The following RBFOX3 variants were observed in gnomAD, a reference collection of about 807,000 sequenced individuals.
RBFOX3 encodes RNA binding protein fox-1 homolog 3.
RBFOX3 carries 17 observed loss-of-function variants against 48.7 expected under a neutral mutation model. The observed-to-expected ratio is 0.35, with a 90% CI of 0.24 to 0.52. RBFOX3 has a LOEUF of 0.52. Among genes scored for constraint, RBFOX3 ranks in the 20% least tolerant of loss-of-function variants. The pLI is 0.94. For missense variants in RBFOX3, 382 were observed against 497.5 expected, an observed-to-expected ratio of 0.77 and a Z score of 2.21; for synonymous variants, 212 against 209.5, an observed-to-expected ratio of 1.01 and a Z score of -0.10.
the RBFOX3 span, among the ~76,000 whole-genome samples, chr17:79,661,459 T>A: frequency 8.4e-4 from 128 of 152,354 alleles, no homozygotes; most frequent in African/African-American, 3.0e-3. Context: ...CTGTTTAGAA[T>A]CATAATTGTG....
chr17:79,484,130 TCCC>T (rs1360925115), intron 1 of RBFOX3, among the ~76,000 whole-genome samples: 1 of 151,622 alleles, frequency 6.6e-6, no homozygotes, highest in African/African-American at 2.4e-5. Flanking sequence ...TCTCCCTGAA[TCCC>T]CCCCACCACT....
At chr17:79,623,094 C>T in the RBFOX3 span, among the ~76,000 whole-genome samples, 4 of 152,210 alleles carry the variant, frequency 2.6e-5, no homozygotes, top group African/African-American at 9.7e-5. Flanking sequence ...ACTGCCCCAG[C>T]AGAATCCTTC....
At chr17:79,536,512 C>T (rs2088780477) in intron 1 of RBFOX3, among the ~76,000 whole-genome samples, 1 of 152,256 alleles carries the variant, frequency 6.6e-6, no homozygotes. Flanking sequence ...TGCTTAATTA[C>T]AGCTCCCAAA....
chr17:79,649,728 CTG>C, the RBFOX3 span, among the ~76,000 whole-genome samples: 7 of 152,102 alleles, frequency 4.6e-5, no homozygotes, highest in Non-Finnish European at 1.0e-4. Context: ...ATACTTGAAA[CTG>C]GGTAATTTTT....
In RBFOX3 at chr17:79,199,972, C is replaced by T. The variant is rs1031043439; in HGVS notation, c.-34+35794G>A. ...AGTCAGGAGTTCAAGACCAGCCTGG[C>T]CAACATGGTGAAACTCCGTCTCTAC... On this transcript the variant is annotated intron_variant, in intron 4 of 14. Transcript: ENST00000693108. This position sits in a 1 kb window ranked among gnomAD's most constrained non-coding sequence, Gnocchi z 5.1. Among the ~76,000 whole-genome samples the T allele has an allele frequency of 6.6e-6, 1 of 152,044 alleles. No homozygotes were observed. Among genetic ancestry groups the T allele is most frequent in the African/African-American group, 2.4e-5 (1 of 41,388 alleles).
the RBFOX3 span, among the ~76,000 whole-genome samples, chr17:79,618,279 G>A: frequency 5.9e-5 from 9 of 152,186 alleles, no homozygotes; most frequent in South Asian, 1.9e-3. Context: ...GTGTCTCCGG[G>A]AACAGGCGCC....
At chr17:79,660,322 C>T in the RBFOX3 span, among the ~76,000 whole-genome samples, 1 of 152,084 alleles carries the variant, frequency 6.6e-6, no homozygotes, top group African/African-American at 2.4e-5. Context: ...AATTAAAGAG[C>T]TCTGCACAGC....
chr17:79,553,820 C>T (rs1372879766), intron 1 of RBFOX3, among the ~76,000 whole-genome samples: 1 of 152,130 alleles, frequency 6.6e-6, no homozygotes, highest in African/African-American at 2.4e-5. Context: ...ACAACCTCTG[C>T]CTCCTGGGTG....
Position 79,212,246 on chromosome 17 carries a change from G to A in RBFOX3, c.-34+23520C>T, listed in dbSNP as rs1310147267. On this transcript the variant is annotated intron_variant, in intron 4 of 14. Coordinates refer to ENST00000693108, the MANE Select transcript of RBFOX3 (RefSeq NM_001350451.2). The surrounding 1 kb of genome is among the most constrained non-coding windows in gnomAD (Gnocchi z 4.7). ...GACACCCTTGGCCACCCGCTGCCCTGGGTTCTTCCAGGCTGGGGCTGGGGC... is the reference window on the plus strand; with the variant it reads ...GACACCCTTGGCCACCCGCTGCCCTAGGTTCTTCCAGGCTGGGGCTGGGGC... 1.3e-5 allele frequency among the ~76,000 whole-genome samples: 2 copies of A among 152,188 alleles called. No individual in the cohort carries two copies. The highest frequency in any genetic ancestry group is 6.5e-5 in the Admixed American group (1 of 15,288).
intron 3 of RBFOX3, among the ~76,000 whole-genome samples, chr17:79,239,927 T>C (rs896820535): frequency 6.6e-6 from 1 of 152,246 alleles, no homozygotes; most frequent in African/African-American, 2.4e-5. Context: ...TGTGCATTTA[T>C]CCACCTGGAG....
intron 2 of RBFOX3, among the ~76,000 whole-genome samples, chr17:79,316,084 A>C (rs967033528): frequency 1.3e-5 from 2 of 152,030 alleles, no homozygotes; most frequent in Non-Finnish European, 1.5e-5. Flanking sequence ...GCACCCACTG[A>C]GCAGGCTGGG....
intron 4 of RBFOX3, among the ~76,000 whole-genome samples, chr17:79,137,311 A>C (rs2040448232): frequency 6.6e-6 from 1 of 152,114 alleles, no homozygotes; most frequent in South Asian, 2.1e-4. Context: ...GTGTACACAC[A>C]CACACATTCC....
intron 2 of RBFOX3, among the ~76,000 whole-genome samples, chr17:79,478,654 G>A (rs985986354): frequency 3.3e-5 from 5 of 152,332 alleles, no homozygotes; most frequent in African/African-American, 9.6e-5. Context: ...AGTGGTGAAG[G>A]GGAGGGGAAA....
chr17:79,611,169 T>TCTCTCTCGCTCTCG, upstream of RBFOX3, among the ~76,000 whole-genome samples: 23 of 25,922 alleles, frequency 8.9e-4, 4 homozygotes, highest in Admixed American at 1.8e-3. Context: ...TCTCTCTCTC[T>TCTCTCTCGCTCTCG]CTCTCCGCCC....
At chr17:79,602,418 T>C (rs2093725324) in intron 1 of RBFOX3, among the ~76,000 whole-genome samples, 2 of 152,244 alleles carry the variant, frequency 1.3e-5, no homozygotes, top group Non-Finnish European at 2.9e-5. Flanking sequence ...TAATGTACCC[T>C]TGGATAGCAC....
At chr17:79,194,753 G>GTGTGTGTGT (rs1555599582) in intron 4 of RBFOX3, among the ~76,000 whole-genome samples, 5,081 of 149,068 alleles carry the variant, frequency 0.034, 128 homozygotes, top group Admixed American at 0.066. Context: ...TGTGTGTGTG[G>GTGTGTGTGT]GTGTGTGTGT....
At chr17:79,534,377 C>T (rs1037368683) in intron 1 of RBFOX3, among the ~76,000 whole-genome samples, 4 of 152,232 alleles carry the variant, frequency 2.6e-5, no homozygotes, top group East Asian at 1.9e-4. Flanking sequence ...AGCCATTCCC[C>T]GGCGAGATGC....
intron 4 of RBFOX3, among the ~76,000 whole-genome samples, chr17:79,139,233 AGGGCCCCCCC>A (rs2041384891): frequency 6.7e-6 from 1 of 149,742 alleles, no homozygotes; most frequent in African/African-American, 2.5e-5. Context: ...CCACAAACAC[AGGGCCCCCCC>A]CACCCCGACA....
intron 1 of RBFOX3, among the ~76,000 whole-genome samples, chr17:79,558,739 A>C (rs2091961396): frequency 6.6e-6 from 1 of 152,154 alleles, no homozygotes; most frequent in Non-Finnish European, 1.5e-5. Context: ...CACCACCCAC[A>C]GTGCGCGGAG....
Sources: gnomAD v4.1 joint callset for allele counts (sites outside exome capture counted in the v4.1 genomes callset) on GRCh38, gnomAD v4.1.1 for gene constraint, Gnocchi (gnomAD v3.1) non-coding constraint, MANE v1.5 for transcripts, NCBI Gene and HGNC (gene_info 2026-07-23, HGNC 2026-07-21) for gene names.